KIAA1614: variants seen among roughly 807,000 people sequenced by gnomAD.
KIAA1614 encodes the protein KIAA1614.
A neutral mutation model predicts 88.7 loss-of-function variants in KIAA1614; 76 were observed. The observed-to-expected ratio is 0.86, with a 90% CI of 0.71 to 1.04. The LOEUF is 1.04. KIAA1614 is among the 50% of genes least tolerant of loss of function. The probability of loss-of-function intolerance (pLI) is 0.00; values close to 1 mark genes in which losing one functional copy is unlikely to be tolerated. For missense variants in KIAA1614, 1,553 were observed against 1,582.5 expected, an observed-to-expected ratio of 0.98 and a Z score of 0.32; for synonymous variants, 714 against 675.5, an observed-to-expected ratio of 1.06 and a Z score of -0.88.
chr1:180,923,900 C>T (rs1454718837), intron 3 of KIAA1614, among the ~76,000 whole-genome samples: 1 of 151,948 alleles, frequency 6.6e-6, no homozygotes. Flanking sequence ...ACCCCCAGCT[C>T]CCATCCTGCC....
At position 180,935,087 on chromosome 1, in the gene KIAA1614, G is replaced by A; in HGVS notation, c.1206-28G>A. ...CATACCTCCCCAGGTTTCTGCCCTTGACCTCTCTCCTCCTGTCTCTTCATC... is the reference window on the plus strand; with the variant it reads ...CATACCTCCCCAGGTTTCTGCCCTTAACCTCTCTCCTCCTGTCTCTTCATC... On this transcript the variant is annotated intron_variant, in intron 4 of 8. Transcript: ENST00000367588. The surrounding 1 kb of genome is among the most constrained non-coding windows in gnomAD (Gnocchi z 6.1). 7.3e-7 allele frequency: 1 copy of A among 1,367,306 alleles called. No individual in the cohort carries two copies. The highest frequency in any genetic ancestry group is 9.5e-7 in the Non-Finnish European group (1 of 1,055,284). 84.7% of individuals were successfully genotyped at this position (1,367,306 alleles called of 1,614,324 possible). A position where few individuals can be genotyped will look rare whatever the true frequency, so the allele number is the denominator to read the frequency against.
intron 7 of KIAA1614, 75 bp from the exon 8 acceptor site, chr1:180,944,314 A>G: frequency 1.3e-6 from 2 of 1,518,086 alleles, no homozygotes; most frequent in Non-Finnish European, 1.8e-6. Flanking sequence ...CCTCAGGTTC[A>G]TGGTGGGGCC....
chr1:180,918,703 G>A (rs181415351), intron 3 of KIAA1614, among the ~76,000 whole-genome samples: 22 of 152,300 alleles, frequency 1.4e-4, no homozygotes, highest in African/African-American at 4.3e-4. Context: ...TGGTTTCTGC[G>A]GAGGGCAGAG....
In KIAA1614 at chr1:180,917,075, T is replaced by C; in HGVS notation, c.972T>C (p.Thr324=). The C allele has an allele frequency of 1.9e-6, 3 of 1,613,328 alleles. No individual in the cohort carries two copies. Among genetic ancestry groups the C allele is most frequent in the Non-Finnish European group, 1.7e-6 (2 of 1,179,922 alleles). Residue 324 remains threonine (T), a synonymous_variant, in exon 2 of 9, where the codon ACT becomes ACC. Coordinates refer to ENST00000367588, the MANE Select transcript of KIAA1614 (RefSeq NM_020950.2). ...SPRKVGTPAW[T]PSWDTAAPER... ...GCAAGGTGGGAACCCCTGCCTGGACTCCATCCTGGGACACAGCTGCACCAG... is the reference window on the plus strand; with the variant it reads ...GCAAGGTGGGAACCCCTGCCTGGACCCCATCCTGGGACACAGCTGCACCAG...
At position 180,945,322 on chromosome 1, in the gene KIAA1614, C is replaced by T. The variant is rs527472478; in HGVS notation, c.3307C>T (p.Arg1103Trp). Residue 1103 changes from arginine to tryptophan, a missense_variant, in exon 9 of 9, where the codon CGG (arginine) becomes TGG (tryptophan). Arg to Trp is a moderately radical substitution (Grantham distance 101, BLOSUM62 -3). Coordinates refer to ENST00000367588, the MANE Select transcript of KIAA1614 (RefSeq NM_020950.2). Reference sequence around the variant, plus strand: ...TCGCAGGCCGGCCAAGACTTCACCACGGCGTGCCCTCAGTGTGGAGGACGT... The same window carrying T: ...TCGCAGGCCGGCCAAGACTTCACCATGGCGTGCCCTCAGTGTGGAGGACGT... ...AAGRPAKTSPRRALSVEDVGA... is the reference protein window; with the variant it reads ...AAGRPAKTSPWRALSVEDVGA... 1.2e-5 allele frequency: 19 copies of T among 1,585,688 alleles called. No homozygotes were observed. The highest frequency in any genetic ancestry group is 4.5e-5 in the East Asian group (2 of 44,380).
In KIAA1614 at chr1:180,935,969, A is replaced by G. The variant is rs999362518; in HGVS notation, c.2060A>G (p.Asn687Ser). The change falls in exon 5 of 9, where the codon AAT becomes AGT. Residue 687 changes from asparagine to serine, a missense_variant. Transcript: ENST00000367588. The surrounding 1 kb of genome is among the most constrained non-coding windows in gnomAD (Gnocchi z 6.1). The stretch of plus-strand genomic sequence containing the variant: ...AGGGCTGATGATGTGGAGGTGGAAA[A>G]TGAGGTGAAAGAGGGCAGAGGACAC... ...LPRADDVEVE[N>S]EVKEGRGHTP... 1 of 1,613,926 alleles carries G rather than the reference A, an allele frequency of 6.2e-7. No individual in the cohort carries two copies. Among genetic ancestry groups the G allele is most frequent in the Non-Finnish European group, 8.5e-7 (1 of 1,179,924 alleles).
chr1:180,916,679 G>T lies in KIAA1614; in HGVS notation c.576G>T (p.Trp192Cys). The T allele has an allele frequency of 6.2e-7, 1 of 1,605,396 alleles. No individual in the cohort carries two copies. The highest frequency in any genetic ancestry group is 8.5e-7 in the Non-Finnish European group (1 of 1,174,674). The change falls in exon 2 of 9, where the codon TGG becomes TGT. Residue 192 changes from tryptophan (W) to cysteine (C), a missense_variant. Coordinates refer to ENST00000367588, the MANE Select transcript of KIAA1614 (RefSeq NM_020950.2). The stretch of plus-strand genomic sequence containing the variant: ...GCCCGTGGCCTCCAGAAGCCGAATG[G>T]ACACTTCCTGACCATGACAGAGGTC... ...RGSPWPPEAE[W>C]TLPDHDRGPL...
rs76042657 is a variant in KIAA1614 at position 180,918,006 on chromosome 1, G to A, written c.1061+92G>A. 5,453 of 1,079,546 alleles carry A rather than the reference G, an allele frequency of 5.1e-3. 206 individuals are homozygous for A. The African/African-American group carries it at 0.074, about 15-fold the overall frequency. 66.9% of individuals were successfully genotyped at this position (1,079,546 alleles called of 1,614,324 possible). ...TCAGGACAGTAAGAGACCTCCCAAAGTGAGAGGGCAGGCAGACTCCTGCAC... is the reference window on the plus strand; with the variant it reads ...TCAGGACAGTAAGAGACCTCCCAAAATGAGAGGGCAGGCAGACTCCTGCAC... On this transcript the variant is annotated intron_variant, in intron 3 of 8. Coordinates refer to ENST00000367588, the MANE Select transcript of KIAA1614 (RefSeq NM_020950.2).
chr1:180,938,325 C>T (rs529358104), intron 5 of KIAA1614, among the ~76,000 whole-genome samples: 10 of 152,336 alleles, frequency 6.6e-5, no homozygotes, highest in Non-Finnish European at 1.2e-4. Context: ...AGTCCCTGTC[C>T]TCAAATAGTT....
chr1:180,916,416 T>C lies in KIAA1614; in HGVS notation c.313T>C (p.Ser105Pro). Residue 105 changes from serine to proline, a missense_variant, in exon 2 of 9, where the codon TCT becomes CCT. By Grantham distance (74) the Ser-to-Pro change is moderately conservative. Coordinates refer to ENST00000367588, the MANE Select transcript of KIAA1614 (RefSeq NM_020950.2). ...GGCCAAACAGGGAGTGAGTCCCTGC[T>C]CTGCTTCCCAAGAGTGGTCATCCCC... ...TVAKQGVSPCSASQEWSSPKK... is the reference protein window; with the variant it reads ...TVAKQGVSPCPASQEWSSPKK... 1 of 1,614,146 alleles carries C rather than the reference T, an allele frequency of 6.2e-7. No individual in the cohort carries two copies. Among genetic ancestry groups the C allele is most frequent in the Non-Finnish European group, 8.5e-7 (1 of 1,180,022 alleles).
Position 180,946,108 on chromosome 1 carries a change from GA to G in KIAA1614, c.*531del, listed in dbSNP as rs5779074. 141,326 of 150,288 alleles carry G rather than the reference GA, an allele frequency of 0.94. 67,060 individuals carry two copies. Among genetic ancestry groups the G allele is most frequent in the Non-Finnish European group, 1 (67,353 of 67,464 alleles). 9.3% of individuals were successfully genotyped at this position (150,288 alleles called of 1,614,324 possible). On this transcript the variant is annotated 3_prime_UTR_variant, in exon 9 of 9. Transcript: ENST00000367588. Reference sequence around the variant, plus strand: ...ACAAGAGCAAAACTTCATCTCAAAGGAAAAAAAAAAAGAAATAAATAAATTA... The same window carrying G: ...ACAAGAGCAAAACTTCATCTCAAAGGAAAAAAAAAAGAAATAAATAAATTA...
intron 4 of KIAA1614, among the ~76,000 whole-genome samples, chr1:180,933,066 T>G (rs1654237676): frequency 6.6e-6 from 1 of 152,174 alleles, no homozygotes. Context: ...AAAAAAAATT[T>G]CGTTCTGGAG....
In KIAA1614 at chr1:180,944,293, T is replaced by C. The variant is rs916299571; in HGVS notation, c.3160-96T>C. ...ATGATAAAAGCTTGTGCTGTCACTTTCTTACAGGGCCCTCAGGTTCATGGT... is the reference window on the plus strand; with the variant it reads ...ATGATAAAAGCTTGTGCTGTCACTTCCTTACAGGGCCCTCAGGTTCATGGT... On this transcript the variant is annotated intron_variant, in intron 7 of 8. Transcript: ENST00000367588. The C allele has an allele frequency of 7.8e-6, 10 of 1,275,934 alleles. No homozygotes were observed. In the African/African-American group the frequency reaches 1.3e-4, roughly 17 times the overall value. The allele number at this position is 1,275,934 out of a possible 1,614,324, so 79.0% of individuals were successfully genotyped here.
rs12141476 is a variant in KIAA1614 at position 180,934,002 on chromosome 1, C to T, written c.1206-1113C>T. Among the ~76,000 whole-genome samples the T allele has an allele frequency of 2.4e-3, 362 of 152,338 alleles. 2 individuals are homozygous for T. The highest frequency in any genetic ancestry group is 4.2e-3 in the Non-Finnish European group (288 of 68,034). On this transcript the variant is annotated intron_variant, in intron 4 of 8. Coordinates refer to ENST00000367588, the MANE Select transcript of KIAA1614 (RefSeq NM_020950.2). ...GGGTGCGGTGGCTCACGCCTGTAAT[C>T]CCAGCACTTTGGGAGGTCGAGGCAG...
At chr1:180,918,318 C>T (rs1254915656) in intron 3 of KIAA1614, among the ~76,000 whole-genome samples, 2 of 152,190 alleles carry the variant, frequency 1.3e-5, no homozygotes, top group Non-Finnish European at 2.9e-5. Flanking sequence ...TGTACAAAGC[C>T]TTACCCCAAT....
Position 180,945,871 on chromosome 1 carries a change from G to C in KIAA1614, c.*283G>C. On this transcript the variant is annotated 3_prime_UTR_variant, in exon 9 of 9. Coordinates refer to ENST00000367588, the MANE Select transcript of KIAA1614 (RefSeq NM_020950.2). Reference sequence around the variant, plus strand: ...TGTAATCCCAGAACTTTGGGAGGCCGAGGCGCCTGGATCACCTGAGGTCAG... The same window carrying C: ...TGTAATCCCAGAACTTTGGGAGGCCCAGGCGCCTGGATCACCTGAGGTCAG... 1 of 1,078,926 alleles carries C rather than the reference G, an allele frequency of 9.3e-7. No homozygotes were observed. Among genetic ancestry groups the C allele is most frequent in the Non-Finnish European group, 1.2e-6 (1 of 868,964 alleles). 66.8% of individuals were successfully genotyped at this position (1,078,926 alleles called of 1,614,324 possible).
Position 180,950,334 on chromosome 1 carries a change from C to A in KIAA1614, c.*4746C>A. On this transcript the variant is annotated 3_prime_UTR_variant, in exon 9 of 9. Transcript: ENST00000367588. ...CATTGTGAAATTCTCCTGTTTTCCT[C>A]TGCAGGGATCTACGTGCAGGAGATG... 1.7e-6 allele frequency: 2 copies of A among 1,196,840 alleles called. No homozygotes were observed. The highest frequency in any genetic ancestry group is 1.5e-5 in the South Asian group (1 of 68,648). 74.1% of individuals were successfully genotyped at this position (1,196,840 alleles called of 1,614,324 possible).
chr1:180,920,012 G>A (rs912853249), intron 3 of KIAA1614, among the ~76,000 whole-genome samples: 3 of 152,216 alleles, frequency 2.0e-5, no homozygotes, highest in Admixed American at 1.3e-4. Context: ...TGGCGATCAG[G>A]GCAAAGAGTG....
In KIAA1614 at chr1:180,945,283, T is replaced by C. The variant is rs760528111; in HGVS notation, c.3288-20T>C. On this transcript the variant is annotated intron_variant, in intron 8 of 8. Coordinates refer to ENST00000367588, the MANE Select transcript of KIAA1614 (RefSeq NM_020950.2). Reference sequence around the variant, plus strand: ...TGCCTGATGCTTTTTGCCCTCACTGTGTCTCTGGTTCCCTCGCAGGCCGGC... The same window carrying C: ...TGCCTGATGCTTTTTGCCCTCACTGCGTCTCTGGTTCCCTCGCAGGCCGGC... 2 of 1,569,532 alleles carry C rather than the reference T, an allele frequency of 1.3e-6. No homozygotes were observed. The highest frequency in any genetic ancestry group is 1.7e-6 in the Non-Finnish European group (2 of 1,167,416).
Sources: gnomAD v4.1 joint callset for allele counts (sites outside exome capture counted in the v4.1 genomes callset) on GRCh38, gnomAD v4.1.1 for gene constraint, Gnocchi (gnomAD v3.1) non-coding constraint, MANE v1.5 for transcripts, NCBI Gene and HGNC (gene_info 2026-07-23, HGNC 2026-07-21) for gene names.